ATCAY: variants seen among roughly 807,000 people sequenced by gnomAD.
ATCAY encodes caytaxin.
In ATCAY, 22 loss-of-function variants were observed where a neutral mutation model predicts 47.7. The observed-to-expected ratio is 0.46, with a 90% CI of 0.33 to 0.66. The LOEUF is 0.66. ATCAY is among the 30% of genes least tolerant of loss of function. ATCAY has a pLI of 0.02. For synonymous variants in ATCAY, 216 were observed against 207.6 expected (o/e 1.04, Z -0.35); for missense variants, 452 against 515.0 (o/e 0.88, Z 1.18).
intron 2 of ATCAY, 90 bp from the exon 3 acceptor site, chr19:3,902,397 C>T (rs1307650195): frequency 1.6e-6 from 2 of 1,228,228 alleles, no homozygotes; most frequent in African/African-American, 3.0e-5. Context: ...GTCTGACTCG[C>T]CTGGCTGGAC....
chr19:3,885,074 G>T (rs1016457074), intron 1 of ATCAY, among the ~76,000 whole-genome samples: 7 of 130,976 alleles, frequency 5.3e-5, no homozygotes, highest in African/African-American at 2.0e-4. Context: ...CTGCACTCCA[G>T]CCCAGGCAAC....
chr19:3,904,449 TC>T (rs911220995), intron 3 of ATCAY, among the ~76,000 whole-genome samples: 1 of 152,176 alleles, frequency 6.6e-6, no homozygotes, highest in African/African-American at 2.4e-5. Context: ...AGACTGAGGT[TC>T]CCCCAGGCAG....
rs2038719432 is a variant in ATCAY at position 3,891,548 on chromosome 19, G to A, written c.77+5704G>A. 3.3e-5 allele frequency among the ~76,000 whole-genome samples: 5 copies of A among 151,950 alleles called. No individual in the cohort carries two copies. The South Asian group carries it at 1.0e-3, about 32-fold the overall frequency. ...GTTCATGGCACTTCTGACCAGGCCA[G>A]GGAGGGAAGGGGAGCTGTGATTCTT... On this transcript the variant is annotated intron_variant, in intron 2 of 12. Transcript: ENST00000450849.
At chr19:3,924,015 A>C (rs906240911) in intron 12 of ATCAY, among the ~76,000 whole-genome samples, 2 of 96,592 alleles carry the variant, frequency 2.1e-5, no homozygotes, top group African/African-American at 8.3e-5. Flanking sequence ...CAGATGGATG[A>C]GTGGGTGGAT....
At chr19:3,912,611 G>A (rs1568451093) in intron 8 of ATCAY, among the ~76,000 whole-genome samples, 1 of 152,048 alleles carries the variant, frequency 6.6e-6, no homozygotes, top group Non-Finnish European at 1.5e-5. Flanking sequence ...CAGGTGTGGT[G>A]ACCCAGGCTT....
intron 2 of ATCAY, among the ~76,000 whole-genome samples, chr19:3,887,321 G>A (rs965354920): frequency 6.6e-6 from 1 of 151,770 alleles, no homozygotes; most frequent in Admixed American, 6.6e-5. Flanking sequence ...AGCTGGGCAT[G>A]GTGGTGTGCA....
chr19:3,895,497 G>A (rs1270306793), intron 2 of ATCAY, among the ~76,000 whole-genome samples: 2 of 152,002 alleles, frequency 1.3e-5, no homozygotes, highest in East Asian at 3.9e-4. Context: ...TTACAGGTGT[G>A]AGCCACCGCG....
chr19:3,908,196 T>C, intron 5 of ATCAY, 72 bp from the exon 6 acceptor site: 5 of 1,331,194 alleles, frequency 3.8e-6, no homozygotes, highest in Non-Finnish European at 4.2e-6. Flanking sequence ...CGGGACGTGG[T>C]GGGTGGTGCG....
chr19:3,888,432 C>T (rs1466889964), intron 2 of ATCAY, among the ~76,000 whole-genome samples: 1 of 151,714 alleles, frequency 6.6e-6, no homozygotes, highest in East Asian at 2.0e-4. Flanking sequence ...GAGTTCGAGG[C>T]CAGCCTGGAC....
intron 2 of ATCAY, among the ~76,000 whole-genome samples, chr19:3,901,959 C>T (rs376724927): frequency 2.0e-5 from 3 of 151,998 alleles, no homozygotes; most frequent in Admixed American, 1.3e-4. Flanking sequence ...TCATGCCACT[C>T]TACTCCATCC....
intron 12 of ATCAY, among the ~76,000 whole-genome samples, chr19:3,923,049 A>G (rs1007016264): frequency 2.0e-5 from 3 of 152,110 alleles, no homozygotes; most frequent in Non-Finnish European, 4.4e-5. Flanking sequence ...CCAGCTGACC[A>G]CACAGTTTTA....
chr19:3,901,063 C>T (rs903744025), intron 2 of ATCAY, among the ~76,000 whole-genome samples: 7 of 151,794 alleles, frequency 4.6e-5, no homozygotes, highest in African/African-American at 9.7e-5. Context: ...CACCACGCCC[C>T]GCTATTTTTT....
intron 2 of ATCAY, among the ~76,000 whole-genome samples, chr19:3,901,169 T>C (rs1223760478): frequency 3.9e-5 from 6 of 152,192 alleles, no homozygotes; most frequent in Non-Finnish European, 8.8e-5. Flanking sequence ...CCCAAAGTGC[T>C]GGGATTACAG....
At chr19:3,917,123 T>C (rs1422176757) in intron 9 of ATCAY, among the ~76,000 whole-genome samples, 2 of 152,002 alleles carry the variant, frequency 1.3e-5, no homozygotes, top group African/African-American at 2.4e-5. Context: ...TAAACATTTA[T>C]AATCAAAAAT....
chr19:3,916,922 C>G (rs894948574), intron 9 of ATCAY, among the ~76,000 whole-genome samples: 11 of 151,876 alleles, frequency 7.2e-5, no homozygotes, highest in Non-Finnish European at 1.5e-4. Context: ...ATTCTCGTGC[C>G]TCAGCCTCCC....
Position 3,908,295 on chromosome 19 carries a change from T to C in ATCAY, c.572T>C (p.Ile191Thr). The change falls in exon 6 of 13, where the codon ATC becomes ACC. Residue 191 changes from isoleucine to threonine, a missense_variant. Physicochemically the swap from Ile to Thr is moderately conservative, Grantham distance 89. Transcript: ENST00000450849. ...TACTACGGCGAAGGCCTCAACGCCATCATCGTCTTCGCAGCCTGCTTCCTT... is the reference window on the plus strand; with the variant it reads ...TACTACGGCGAAGGCCTCAACGCCACCATCGTCTTCGCAGCCTGCTTCCTT... ...GGYYGEGLNA[I>T]IVFAACFLPD... 6.3e-7 allele frequency: 1 copy of C among 1,584,788 alleles called. No individual in the cohort carries two copies. Among genetic ancestry groups the C allele is most frequent in the Non-Finnish European group, 8.6e-7 (1 of 1,165,440 alleles).
At chr19:3,894,091 T>A (rs1039692881) in intron 2 of ATCAY, among the ~76,000 whole-genome samples, 3 of 151,992 alleles carry the variant, frequency 2.0e-5, no homozygotes, top group African/African-American at 7.2e-5. Context: ...AGTGGCTCAC[T>A]CCTGTAATCC....
At position 3,919,514 on chromosome 19, in the gene ATCAY, C is replaced by T. The variant is rs992391351; in HGVS notation, c.1073+637C>T. On this transcript the variant is annotated intron_variant, in intron 11 of 12. Transcript: ENST00000450849. ...GGCTGAGGCAGGAGAATCACTTGAACCTGGGAGGCGGAGGTTGCAGTGAGC... is the reference window on the plus strand; with the variant it reads ...GGCTGAGGCAGGAGAATCACTTGAATCTGGGAGGCGGAGGTTGCAGTGAGC... 3.3e-5 allele frequency among the ~76,000 whole-genome samples: 5 copies of T among 152,032 alleles called. No homozygotes were observed. In the South Asian group the frequency reaches 1.0e-3, roughly 32 times the overall value.
intron 9 of ATCAY, among the ~76,000 whole-genome samples, chr19:3,917,137 T>C (rs1230187932): frequency 1.3e-5 from 2 of 151,984 alleles, no homozygotes; most frequent in South Asian, 2.1e-4. Flanking sequence ...CAAAAATGCA[T>C]CTATGGGCCA....
Sources: allele counts gnomAD v4.1 joint callset (sites outside exome capture counted in the v4.1 genomes callset), GRCh38; gene constraint gnomAD v4.1.1; transcripts MANE v1.5; gene names NCBI Gene and HGNC (gene_info 2026-07-23, HGNC 2026-07-21).